MAGI2: variants seen among roughly 807,000 people sequenced by gnomAD.
MAGI2 encodes the protein membrane-associated guanylate kinase, WW and PDZ domain-containing protein 2.
A neutral mutation model predicts 133.3 loss-of-function variants in MAGI2; 35 were observed. The ratio of observed to expected loss-of-function variants is 0.26; its 90% CI spans 0.20 to 0.35. The LOEUF is 0.35. Ranked by LOEUF, MAGI2 falls within the 10% of genes least tolerant of loss-of-function variation. The probability of loss-of-function intolerance (pLI) is 1.00; values close to 1 mark genes in which losing one functional copy is unlikely to be tolerated. For synonymous variants in MAGI2, 729 were observed against 710.6 expected, an observed-to-expected ratio of 1.03 and a Z score of -0.41; for missense variants, 1,636 against 1,863.4, an observed-to-expected ratio of 0.88 and a Z score of 2.25.
intron 6 of MAGI2, among the ~76,000 whole-genome samples, chr7:78,478,461 T>C (rs982311863): frequency 6.6e-6 from 1 of 151,918 alleles, no homozygotes; most frequent in African/African-American, 2.4e-5. Context: ...CCTAAATCCT[T>C]TGGACTATAA....
chr7:79,144,825 A>G (rs1183548578), intron 1 of MAGI2, among the ~76,000 whole-genome samples: 1 of 152,154 alleles, frequency 6.6e-6, no homozygotes, highest in Admixed American at 6.5e-5. Flanking sequence ...TAAAATTTCT[A>G]TGGAATCTTC....
chr7:78,289,429 C>T (rs1349785714), intron 9 of MAGI2, among the ~76,000 whole-genome samples: 1 of 152,126 alleles, frequency 6.6e-6, no homozygotes, highest in Non-Finnish European at 1.5e-5. Flanking sequence ...TGAACAAAGC[C>T]TCCAAGAAAT....
chr7:78,598,201 A>C (rs1287653026), intron 3 of MAGI2, among the ~76,000 whole-genome samples: 1 of 152,208 alleles, frequency 6.6e-6, no homozygotes, highest in African/African-American at 2.4e-5. Context: ...CAAAATAATT[A>C]TATTCTTTCA....
intron 2 of MAGI2, among the ~76,000 whole-genome samples, chr7:78,691,478 T>C (rs1816948276): frequency 6.6e-6 from 1 of 152,170 alleles, no homozygotes; most frequent in African/African-American, 2.4e-5. Flanking sequence ...TTAGATGAAT[T>C]AAAACAGGCT....
chr7:78,839,218 T>C lies in MAGI2; in HGVS notation c.418+167872A>G, dbSNP rs1272664233. Among the ~76,000 whole-genome samples, 4 of 152,150 alleles carry C rather than the reference T, an allele frequency of 2.6e-5. No homozygotes were observed. In the East Asian group the frequency reaches 7.7e-4, roughly 29 times the overall value. On this transcript the variant is annotated intron_variant, in intron 2 of 21. Coordinates refer to ENST00000354212, the MANE Select transcript of MAGI2 (RefSeq NM_012301.4). ...ATGATTTTCTGATACCCATGATTTC[T>C]CTAAACTTCAGAATTTAAATGCAAA...
At chr7:79,431,306 C>T (rs1585958231) in intron 1 of MAGI2, among the ~76,000 whole-genome samples, 1 of 151,876 alleles carries the variant, frequency 6.6e-6, no homozygotes, top group Non-Finnish European at 1.5e-5. Context: ...TTTATATCAA[C>T]CATAGCAGGA....
rs62468799 is a variant in MAGI2 at position 78,428,176 on chromosome 7, T to C, written c.1046-58963A>G. The stretch of plus-strand genomic sequence containing the variant: ...GAGGACAGAAAAGAGGACAAGTTTA[T>C]GGAAAGCCAGTGAAGTTGATATTGC... On this transcript the variant is annotated intron_variant, in intron 6 of 21. Transcript: ENST00000354212. Among the ~76,000 whole-genome samples, 611 of 152,266 alleles carry C rather than the reference T, an allele frequency of 4.0e-3. 3 individuals carry two copies. Among genetic ancestry groups the C allele is most frequent in the Non-Finnish European group, 4.2e-3 (287 of 68,018 alleles).
chr7:78,052,326 G>T (rs1812097104), intron 21 of MAGI2, among the ~76,000 whole-genome samples: 1 of 152,138 alleles, frequency 6.6e-6, no homozygotes, highest in Non-Finnish European at 1.5e-5. Flanking sequence ...TGGGGAACGA[G>T]TTGTTGGAAA....
chr7:78,496,989 A>G (rs1340006694), intron 5 of MAGI2, among the ~76,000 whole-genome samples: 1 of 152,186 alleles, frequency 6.6e-6, no homozygotes, highest in Non-Finnish European at 1.5e-5. Flanking sequence ...CAGTTTCATA[A>G]AGTAAGGATT....
At chr7:78,767,888 A>G (rs1235113411) in intron 2 of MAGI2, among the ~76,000 whole-genome samples, 1 of 152,236 alleles carries the variant, frequency 6.6e-6, no homozygotes, top group African/African-American at 2.4e-5. Context: ...TTTAGCTCTC[A>G]TTAAGAACTC....
chr7:78,219,505 T>C (rs918558211), intron 10 of MAGI2, among the ~76,000 whole-genome samples: 1 of 152,170 alleles, frequency 6.6e-6, no homozygotes, highest in Non-Finnish European at 1.5e-5. Context: ...CATTTTATCC[T>C]CAGGGCCTCT....
intron 2 of MAGI2, among the ~76,000 whole-genome samples, chr7:78,859,807 TCTC>T (rs1464097620): frequency 6.6e-6 from 1 of 152,186 alleles, no homozygotes; most frequent in East Asian, 1.9e-4. Context: ...TTGGGGTAGT[TCTC>T]CTGGATAGTA....
At chr7:79,334,212 C>A (rs563748774) in intron 1 of MAGI2, among the ~76,000 whole-genome samples, 5 of 152,090 alleles carry the variant, frequency 3.3e-5, no homozygotes, top group Admixed American at 3.3e-4. Flanking sequence ...ATCCATAATA[C>A]AGAATTAATA....
intron 4 of MAGI2, among the ~76,000 whole-genome samples, chr7:78,514,830 C>T (rs1048014588): frequency 5.3e-5 from 8 of 152,138 alleles, no homozygotes; most frequent in Non-Finnish European, 8.8e-5. Context: ...AGATCATTGC[C>T]GAGGACACTT....
intron 2 of MAGI2, among the ~76,000 whole-genome samples, chr7:78,785,756 T>C (rs1477499620): frequency 1.3e-5 from 2 of 152,246 alleles, no homozygotes; most frequent in Non-Finnish European, 2.9e-5. Context: ...TTGGACAAGA[T>C]ATTCTTTATG....
chr7:78,514,979 G>A (rs964710649), intron 4 of MAGI2, among the ~76,000 whole-genome samples: 2 of 152,060 alleles, frequency 1.3e-5, no homozygotes, highest in African/African-American at 4.8e-5. Flanking sequence ...AGCTCTCATG[G>A]GCCCTGTTCC....
chr7:79,049,084 T>G (rs1354296581), intron 1 of MAGI2, among the ~76,000 whole-genome samples: 1 of 152,182 alleles, frequency 6.6e-6, no homozygotes, highest in African/African-American at 2.4e-5. Context: ...AGTGACATGC[T>G]CCACCTCTAG....
chr7:79,453,489 G>A lies in MAGI2; in HGVS notation c.-169C>T. On this transcript the variant is annotated 5_prime_UTR_variant, in exon 1 of 22. Coordinates refer to ENST00000354212, the MANE Select transcript of MAGI2 (RefSeq NM_012301.4). ...TCTTCTTTGGATGGAGTGTGGACGA[G>A]GAATGGGGAGGATGAGAGGGACGGC... The A allele has an allele frequency of 7.0e-7, 1 of 1,424,894 alleles. No individual in the cohort carries two copies. Among genetic ancestry groups the A allele is most frequent in the Non-Finnish European group, 9.1e-7 (1 of 1,095,444 alleles). The allele number at this position is 1,424,894 out of a possible 1,614,324, so 88.3% of individuals were successfully genotyped here. A position where few individuals can be genotyped will look rare whatever the true frequency, so the allele number is the denominator to read the frequency against.
chr7:79,273,236 C>CAAA (rs5885123), intron 1 of MAGI2, among the ~76,000 whole-genome samples: 1 of 150,032 alleles, frequency 6.7e-6, no homozygotes. Context: ...GATGGTAGGC[C>CAAA]AAAAAAAAAT....
Sources: allele counts gnomAD v4.1 joint callset (sites outside exome capture counted in the v4.1 genomes callset), GRCh38; gene constraint gnomAD v4.1.1; transcripts MANE v1.5; gene names NCBI Gene and HGNC (gene_info 2026-07-23, HGNC 2026-07-21).